The following ANKS1B variants were observed in gnomAD, a reference collection of about 807,000 sequenced individuals.
The protein encoded by ANKS1B is ankyrin repeat and sterile alpha motif domain-containing protein 1B.
Under a neutral mutation model 148.3 loss-of-function variants are expected in ANKS1B, and 36 were observed. The observed-to-expected ratio is 0.24, with a 90% CI of 0.19 to 0.32. ANKS1B has a LOEUF of 0.32. ANKS1B is among the 10% of genes least tolerant of loss of function. The pLI, the probability that ANKS1B is intolerant of heterozygous loss-of-function variation, is 1.00. For missense variants in ANKS1B, 1,157 were observed against 1,542.6 expected, an observed-to-expected ratio of 0.75 and a Z score of 4.19; for synonymous variants, 542 against 560.8, an observed-to-expected ratio of 0.97 and a Z score of 0.47.
chr12:99,417,925 A>T (rs917319906), intron 11 of ANKS1B, among the ~76,000 whole-genome samples: 2 of 152,224 alleles, frequency 1.3e-5, no homozygotes, highest in African/African-American at 4.8e-5. Context: ...GGGTAGGATG[A>T]TATCTTCAAA....
At chr12:98,976,810 A>T (rs986702103) in intron 17 of ANKS1B, among the ~76,000 whole-genome samples, 1 of 152,260 alleles carries the variant, frequency 6.6e-6, no homozygotes, top group Non-Finnish European at 1.5e-5. Flanking sequence ...CAGAACGTGA[A>T]TTGATAAAAG....
chr12:98,744,767 A>G lies in ANKS1B; in HGVS notation c.*972T>C, dbSNP rs2097846235. On this transcript the variant is annotated 3_prime_UTR_variant, in exon 27 of 27. Transcript: ENST00000683438. ...ACCTTTCTCAAACAAGGTTTCCATG[A>G]CAGAAATCTTGACAGCAGGAGCACT... The G allele has an allele frequency of 2.0e-6, 2 of 984,552 alleles. No individual in the cohort carries two copies. The highest frequency in any genetic ancestry group is 1.1e-4 in the East Asian group (1 of 8,812). 61.0% of individuals were successfully genotyped at this position (984,552 alleles called of 1,614,324 possible). A position where few individuals can be genotyped will look rare whatever the true frequency, so the allele number is the denominator to read the frequency against.
At chr12:99,606,560 C>G (rs1383659246) in intron 9 of ANKS1B, among the ~76,000 whole-genome samples, 2 of 151,722 alleles carry the variant, frequency 1.3e-5, no homozygotes, top group Non-Finnish European at 2.9e-5. Flanking sequence ...TTCTCTATAT[C>G]TTATAAAAAG....
intron 14 of ANKS1B, among the ~76,000 whole-genome samples, chr12:99,158,110 G>A (rs905288600): frequency 6.6e-6 from 1 of 152,070 alleles, no homozygotes; most frequent in Non-Finnish European, 1.5e-5. Flanking sequence ...GAGTCATGTT[G>A]TTTGTTTGCG....
intron 17 of ANKS1B, 26 bp downstream of exon 17, chr12:99,053,131 A>C (rs759789059): frequency 6.4e-7 from 1 of 1,574,644 alleles, no homozygotes; most frequent in South Asian, 1.2e-5. Context: ...TTGAATAGTT[A>C]AGGTGTCACT....
At chr12:99,704,902 TGTAAAGGC>T (rs1408863502) in intron 8 of ANKS1B, among the ~76,000 whole-genome samples, 1 of 152,032 alleles carries the variant, frequency 6.6e-6, no homozygotes, top group East Asian at 1.9e-4. Context: ...GAAATATATT[TGTAAAGGC>T]ATAAAGACAT....
rs565249223 is a variant in ANKS1B, at chr12:99,766,561, T to C, written c.1128+6361A>G. On this transcript the variant is annotated intron_variant, in intron 8 of 26. Coordinates refer to ENST00000683438, the MANE Select transcript of ANKS1B (RefSeq NM_001352186.2). The stretch of plus-strand genomic sequence containing the variant: ...ATTGTTTTCAATATATAAATGCAGG[T>C]CAACATGATCCTAGTTCTACATTCC... Among the ~76,000 whole-genome samples, 3 of 152,180 alleles carry C rather than the reference T, an allele frequency of 2.0e-5. No individual in the cohort carries two copies. The South Asian group carries it at 6.2e-4, about 32-fold the overall frequency.
Position 99,846,648 on chromosome 12 carries a change from A to T in ANKS1B, c.135-21259T>A, listed in dbSNP as rs563922964. Among the ~76,000 whole-genome samples, 4 of 152,232 alleles carry T rather than the reference A, an allele frequency of 2.6e-5. No homozygotes were observed. In the South Asian group the frequency reaches 6.2e-4, roughly 24 times the overall value. On this transcript the variant is annotated intron_variant, in intron 1 of 26. Transcript: ENST00000683438. ...GCTCACCATAGTTTCTTGAATATTT[A>T]AAAAGATTATATGAGATACTGTGAT...
At chr12:98,803,970 G>A (rs924185510) in intron 20 of ANKS1B, among the ~76,000 whole-genome samples, 1 of 152,062 alleles carries the variant, frequency 6.6e-6, no homozygotes, top group Non-Finnish European at 1.5e-5. Context: ...TTCCAATCTC[G>A]GTCTGGAAAT....
intron 1 of ANKS1B, among the ~76,000 whole-genome samples, chr12:99,913,788 A>G (rs1005540994): frequency 1.3e-5 from 2 of 152,214 alleles, no homozygotes; most frequent in East Asian, 3.9e-4. Context: ...ATGGATTAGG[A>G]GAACTCACTA....
At chr12:98,941,321 A>C (rs532615562) in intron 17 of ANKS1B, among the ~76,000 whole-genome samples, 2 of 152,364 alleles carry the variant, frequency 1.3e-5, no homozygotes, top group Admixed American at 1.3e-4. Context: ...CTTCAGCTCC[A>C]TGCTGCAGGC....
intron 1 of ANKS1B, among the ~76,000 whole-genome samples, chr12:99,841,642 C>T (rs2085760546): frequency 6.6e-6 from 1 of 151,886 alleles, no homozygotes; most frequent in Non-Finnish European, 1.5e-5. Flanking sequence ...GTGGAGTAAA[C>T]CCTTAATAAA....
intron 8 of ANKS1B, among the ~76,000 whole-genome samples, chr12:99,769,051 G>C (rs527910159): frequency 6.7e-6 from 1 of 150,348 alleles, no homozygotes; most frequent in South Asian, 2.1e-4. Context: ...ACGCTAATTT[G>C]TTATAGCACA....
intron 17 of ANKS1B, 108 bp from the exon 18 acceptor site, chr12:98,832,244 CCAT>C (rs2099324005): frequency 1.2e-6 from 1 of 830,810 alleles, no homozygotes; most frequent in Non-Finnish European, 1.8e-6. Context: ...TACTCCTGCA[CCAT>C]GAGATGTGGT....
rs555765819 is a variant in ANKS1B, at chr12:99,183,112, T to C, written c.2420-28717A>G. ...AAATATTTTCTCCCACTCTATGGGTTATTAATTATATGAAATATTTAGAAA... is the reference window on the plus strand; with the variant it reads ...AAATATTTTCTCCCACTCTATGGGTCATTAATTATATGAAATATTTAGAAA... On this transcript the variant is annotated intron_variant, in intron 14 of 26. Coordinates refer to ENST00000683438, the MANE Select transcript of ANKS1B (RefSeq NM_001352186.2). Among the ~76,000 whole-genome samples, 12 of 152,326 alleles carry C rather than the reference T, an allele frequency of 7.9e-5. No homozygotes were observed. In the South Asian group the frequency reaches 2.3e-3, roughly 29 times the overall value.
intron 10 of ANKS1B, among the ~76,000 whole-genome samples, chr12:99,491,948 T>C (rs867304996): frequency 1.1e-4 from 17 of 151,934 alleles, no homozygotes; most frequent in African/African-American, 4.1e-4. Context: ...AATGCCCACA[T>C]CAAAAATTTA....
chr12:99,498,749 C>G (rs548043337), intron 10 of ANKS1B, among the ~76,000 whole-genome samples: 1 of 152,234 alleles, frequency 6.6e-6, no homozygotes, highest in African/African-American at 2.4e-5. Flanking sequence ...CCACCAAGAT[C>G]AATTTGAGGG....
intron 9 of ANKS1B, among the ~76,000 whole-genome samples, chr12:99,523,950 A>C (rs2096901738): frequency 6.6e-6 from 1 of 152,242 alleles, no homozygotes; most frequent in East Asian, 1.9e-4. Flanking sequence ...GTTTTGTATT[A>C]GTACTATGGT....
intron 25 of ANKS1B, among the ~76,000 whole-genome samples, chr12:98,755,176 G>A (rs1040381162): frequency 1.3e-5 from 2 of 152,140 alleles, no homozygotes; most frequent in Non-Finnish European, 2.9e-5. Context: ...AATGGGGAAA[G>A]AACCCCCATT....
Sources: gnomAD v4.1 joint callset for allele counts (sites outside exome capture counted in the v4.1 genomes callset) on GRCh38, gnomAD v4.1.1 for gene constraint, MANE v1.5 for transcripts, NCBI Gene and HGNC (gene_info 2026-07-23, HGNC 2026-07-21) for gene names.